OR6P1: variants seen among roughly 807,000 people sequenced by gnomAD.
OR6P1 encodes olfactory receptor 6P1.
In OR6P1, 5 loss-of-function variants were observed where a neutral mutation model predicts 6.6. That is an observed-to-expected ratio of 0.76 (90% confidence interval 0.40 to 1.60). OR6P1 has a LOEUF of 1.60. OR6P1 is among the 40% of genes most tolerant of loss of function. OR6P1 has a pLI of 0.02. For synonymous variants in OR6P1, 177 were observed against 149.6 expected, an observed-to-expected ratio of 1.18 and a Z score of -1.33; for missense variants, 451 against 383.0, an observed-to-expected ratio of 1.18 and a Z score of -1.48.
rs1443636846 is a variant in OR6P1 at position 158,562,632 on chromosome 1, T to C, written c.*19A>G. The C allele has an allele frequency of 4.9e-6, 7 of 1,436,122 alleles. No individual in the cohort carries two copies. In the African/African-American group the frequency reaches 7.1e-5, roughly 14 times the overall value. 89.0% of individuals were successfully genotyped at this position (1,436,122 alleles called of 1,614,324 possible). ...ATTAAGATTCTGCTATTTTCACCTCTCCCAAGACCTGTTGTATATCAGTCC... is the reference window on the plus strand; with the variant it reads ...ATTAAGATTCTGCTATTTTCACCTCCCCCAAGACCTGTTGTATATCAGTCC... On this transcript the variant is annotated 3_prime_UTR_variant, in exon 3 of 3. Transcript: ENST00000641540.
intron 2 of OR6P1, among the ~76,000 whole-genome samples, chr1:158,566,300 G>A (rs1648094973): frequency 6.6e-6 from 1 of 152,178 alleles, no homozygotes; most frequent in Admixed American, 6.6e-5. Flanking sequence ...TGTCCAAAAA[G>A]TCCAGTTTGG....
Position 158,563,388 on chromosome 1 carries a change from A to T in OR6P1, c.217T>A (p.Tyr73Asn), listed in dbSNP as rs989375111. Residue 73 changes from tyrosine (Y) to asparagine (N), a missense_variant, in exon 3 of 3, where the codon TAC (tyrosine) becomes AAC (asparagine). Physicochemically the swap from Tyr to Asn is moderately radical, Grantham distance 143. Coordinates refer to ENST00000641540, the MANE Select transcript of OR6P1 (RefSeq NM_001160325.2). ...AGCCGAGGAATGGTGACATTGATGT[A>T]CCATAGCTCCAGGAAAGAGAGATGG... ...LGHLSFLELW[Y>N]INVTIPRLLA... is the part of the protein sequence containing the mutation. 25 of 1,551,474 alleles carry T rather than the reference A, an allele frequency of 1.6e-5. No individual in the cohort carries two copies. Among genetic ancestry groups the T allele is most frequent in the Non-Finnish European group, 2.0e-5 (23 of 1,146,924 alleles).
At chr1:158,568,284 T>C (rs1441157177) in intron 1 of OR6P1, among the ~76,000 whole-genome samples, 1 of 152,184 alleles carries the variant, frequency 6.6e-6, no homozygotes, top group African/African-American at 2.4e-5. Flanking sequence ...TGAACTCTTC[T>C]TGTATTTGTT....
chr1:158,563,410 A>T lies in OR6P1; in HGVS notation c.195T>A (p.His65Gln), dbSNP rs947607670. 1 of 1,551,430 alleles carries T rather than the reference A, an allele frequency of 6.4e-7. No homozygotes were observed. Among genetic ancestry groups the T allele is most frequent in the Admixed American group, 2.0e-5 (1 of 50,936 alleles). ...LHRPMYFFLGHLSFLELWYIN... is the reference protein window; with the variant it reads ...LHRPMYFFLGQLSFLELWYIN... ...TGTACCATAGCTCCAGGAAAGAGAG[A>T]TGGCCAAGGAAAAAGTACATGGGAC... Residue 65 changes from histidine to glutamine, a missense_variant, in exon 3 of 3, where the codon CAT becomes CAA. His to Gln is a conservative substitution (Grantham distance 24). Coordinates refer to ENST00000641540, the MANE Select transcript of OR6P1 (RefSeq NM_001160325.2).
Position 158,561,970 on chromosome 1 carries a change from T to C in OR6P1, c.*681A>G, listed in dbSNP as rs143697065. 2.0e-5 allele frequency: 3 copies of C among 152,404 alleles called. No individual in the cohort carries two copies. Among genetic ancestry groups the C allele is most frequent in the African/African-American group, 7.2e-5 (3 of 41,582 alleles). 9.4% of individuals were successfully genotyped at this position (152,404 alleles called of 1,614,324 possible). A position where few individuals can be genotyped will look rare whatever the true frequency, so the allele number is the denominator to read the frequency against. On this transcript the variant is annotated 3_prime_UTR_variant, in exon 3 of 3. Coordinates refer to ENST00000641540, the MANE Select transcript of OR6P1 (RefSeq NM_001160325.2). ...TCAATATTTGTTAGGTCAACCAGCT[T>C]TACATGCCCCTGAGATTCAAAGAAG...
In OR6P1 at chr1:158,560,900, A is replaced by C. The variant is rs1647936957; in HGVS notation, c.*1751T>G. ...TACATTCATCATCCTCCCAGTCCAGAGGTCATTTGCTGCTCAGAGATAATT... is the reference window on the plus strand; with the variant it reads ...TACATTCATCATCCTCCCAGTCCAGCGGTCATTTGCTGCTCAGAGATAATT... On this transcript the variant is annotated 3_prime_UTR_variant, in exon 3 of 3. Coordinates refer to ENST00000641540, the MANE Select transcript of OR6P1 (RefSeq NM_001160325.2). 1 of 152,178 alleles carries C rather than the reference A, an allele frequency of 6.6e-6. No individual in the cohort carries two copies. Among genetic ancestry groups the C allele is most frequent in the Non-Finnish European group, 1.5e-5 (1 of 68,022 alleles). The allele number at this position is 152,178 out of a possible 1,614,324, so 9.4% of individuals were successfully genotyped here. A position where few individuals can be genotyped will look rare whatever the true frequency, so the allele number is the denominator to read the frequency against.
rs372841218 is a variant in OR6P1 at position 158,563,084 on chromosome 1, A to T, written c.521T>A (p.Ile174Asn). Residue 174 changes from isoleucine to asparagine, a missense_variant, in exon 3 of 3, where the codon ATC becomes AAC. Ile to Asn is a moderately radical substitution (Grantham distance 149, BLOSUM62 -3). Coordinates refer to ENST00000641540, the MANE Select transcript of OR6P1 (RefSeq NM_001160325.2). The stretch of plus-strand genomic sequence containing the variant: ...GGAAATATCACAGAAAAAGTGGTTG[A>T]TAATGTTGGGTCCACAGTAGGACAA... ...SQLSYCGPNIINHFFCDISPL... is the reference protein window; with the variant it reads ...SQLSYCGPNINNHFFCDISPL... 2.6e-6 allele frequency: 4 copies of T among 1,551,750 alleles called. No homozygotes were observed. The highest frequency in any genetic ancestry group is 3.5e-6 in the Non-Finnish European group (4 of 1,147,062).
Position 158,563,458 on chromosome 1 carries a change from T to C in OR6P1, c.147A>G (p.Ile49Met). 6.4e-7 allele frequency: 1 copy of C among 1,551,254 alleles called. No homozygotes were observed. The highest frequency in any genetic ancestry group is 2.4e-5 in the East Asian group (1 of 40,894). ...LLENALIVFT[I>M]WLAPSLHRPM... ...GACGATGAAGGCTTGGAGCAAGCCA[T>C]ATTGTGAAGACAATAAGTGCATTCT... The change falls in exon 3 of 3, where the codon ATA (isoleucine) becomes ATG (methionine). Residue 49 changes from isoleucine to methionine, a missense_variant. Transcript: ENST00000641540.
rs373053894 is a variant in OR6P1 at position 158,570,266 on chromosome 1, T to C, written c.-118+176A>G. 3.9e-5 allele frequency among the ~76,000 whole-genome samples: 6 copies of C among 152,354 alleles called. No individual in the cohort carries two copies. The East Asian group carries it at 7.7e-4, about 20-fold the overall frequency. On this transcript the variant is annotated intron_variant, in intron 1 of 2. Coordinates refer to ENST00000641540, the MANE Select transcript of OR6P1 (RefSeq NM_001160325.2). ...CATTTCTCAGGTGCTATCTCTAGAATCATAAACACATGAACAAAAGATTAA... is the reference window on the plus strand; with the variant it reads ...CATTTCTCAGGTGCTATCTCTAGAACCATAAACACATGAACAAAAGATTAA...
In OR6P1 at chr1:158,566,072, C is replaced by T. The variant is rs147992359; in HGVS notation, c.-23+692G>A. On this transcript the variant is annotated intron_variant, in intron 2 of 2. Transcript: ENST00000641540. ...TTCTCAACACTGACATTGGCAATGG[C>T]ATTAACTTACACTCTTGGACACTTC... Among the ~76,000 whole-genome samples the T allele has an allele frequency of 5.1e-3, 780 of 152,214 alleles. 3 individuals are homozygous for T. The highest frequency in any genetic ancestry group is 6.0e-3 in the Non-Finnish European group (410 of 68,014).
chr1:158,563,526 G>A lies in OR6P1; in HGVS notation c.79C>T (p.Leu27Phe), dbSNP rs1020061585. 2.8e-5 allele frequency: 44 copies of A among 1,551,262 alleles called. No individual in the cohort carries two copies. The East Asian group carries it at 3.7e-4, about 13-fold the overall frequency. ...FPTTPPLQLL[L>F]FVLFFAIYLL... ...TAAATTGCAAAAAAAAGGACAAAGA[G>A]GAGCAGCTGGAGGGGAGGCGTGGTA... Residue 27 changes from leucine to phenylalanine, a missense_variant, in exon 3 of 3, where the codon CTC (leucine) becomes TTC (phenylalanine). Leu to Phe is a conservative substitution (Grantham distance 22, BLOSUM62 0). Transcript: ENST00000641540.
rs528180194 is a variant in OR6P1, at chr1:158,565,366, C to G, written c.-23+1398G>C. Among the ~76,000 whole-genome samples the G allele has an allele frequency of 2.6e-3, 397 of 152,238 alleles. 1 individual carries two copies. Among genetic ancestry groups the G allele is most frequent in the Non-Finnish European group, 4.5e-3 (303 of 68,010 alleles). ...CCACTGATACTTGTTTAAACAAGTACACAAATGAGCGTATCTTTTTAAAAC... is the reference window on the plus strand; with the variant it reads ...CCACTGATACTTGTTTAAACAAGTAGACAAATGAGCGTATCTTTTTAAAAC... On this transcript the variant is annotated intron_variant, in intron 2 of 2. Transcript: ENST00000641540.
chr1:158,569,640 C>T (rs1194469496), intron 1 of OR6P1, among the ~76,000 whole-genome samples: 1 of 152,202 alleles, frequency 6.6e-6, no homozygotes, highest in Non-Finnish European at 1.5e-5. Flanking sequence ...TAATTCATTA[C>T]TCTGTGCAGG....
chr1:158,562,870 C>T lies in OR6P1; in HGVS notation c.735G>A (p.Leu245=). 1.9e-6 allele frequency: 3 copies of T among 1,552,018 alleles called. No individual in the cohort carries two copies. The highest frequency in any genetic ancestry group is 2.6e-6 in the Non-Finnish European group (3 of 1,147,074). The part of the protein sequence containing the change: ...HKAFSTCAAH[L]AVVVIYYSST... ...AGGAGTAGTAGATAACAACCACTGC[C>T]AGATGAGCGGCACAAGTGGAAAAGG... Residue 245 remains leucine, a synonymous_variant, in exon 3 of 3, where the codon CTG becomes CTA. Transcript: ENST00000641540.
chr1:158,565,965 C>G (rs1041845718), intron 2 of OR6P1, among the ~76,000 whole-genome samples: 2 of 152,196 alleles, frequency 1.3e-5, no homozygotes, highest in African/African-American at 4.8e-5. Flanking sequence ...TGATTAGCTT[C>G]TATTTCAATT....
chr1:158,569,673 T>C (rs1234550843), intron 1 of OR6P1, among the ~76,000 whole-genome samples: 1 of 152,228 alleles, frequency 6.6e-6, no homozygotes, highest in Non-Finnish European at 1.5e-5. Flanking sequence ...TTTCATATGC[T>C]AACTTAATTC....
Position 158,563,403 on chromosome 1 carries a change from AAG to A in OR6P1, c.200_201del (p.Ser67PhefsTer24), listed in dbSNP as rs778254710. ...ACATTGATGTACCATAGCTCCAGGA[AAG>A]AGAGATGGCCAAGGAAAAAGTACAT... ...RPMYFFLGHL[S>X]FLELWYINVT... On this transcript the variant is annotated frameshift_variant, in exon 3 of 3. Transcript: ENST00000641540. LOFTEE classifies it high-confidence loss of function. The A allele has an allele frequency of 1.4e-5, 21 of 1,551,458 alleles. No individual in the cohort carries two copies. The highest frequency in any genetic ancestry group is 1.8e-5 in the Non-Finnish European group (21 of 1,146,948).
chr1:158,568,181 C>G (rs1648146384), intron 1 of OR6P1, among the ~76,000 whole-genome samples: 1 of 152,182 alleles, frequency 6.6e-6, no homozygotes, highest in Admixed American at 6.5e-5. Context: ...TCTGCCCTCC[C>G]TGTTTGAAGA....
chr1:158,562,872 G>A lies in OR6P1; in HGVS notation c.733C>T (p.Leu245=), dbSNP rs970130847. Residue 245 remains leucine, a synonymous_variant, in exon 3 of 3, where the codon CTG becomes TTG. Transcript: ENST00000641540. ...GAGTAGTAGATAACAACCACTGCCA[G>A]ATGAGCGGCACAAGTGGAAAAGGCT... ...HKAFSTCAAH[L]AVVVIYYSST... is the part of the protein sequence containing the mutation. The A allele has an allele frequency of 4.1e-5, 63 of 1,552,050 alleles. No homozygotes were observed. The Middle Eastern group carries it at 1.0e-3, about 25-fold the overall frequency.
Sources: gnomAD v4.1 joint callset for allele counts (sites outside exome capture counted in the v4.1 genomes callset) on GRCh38, gnomAD v4.1.1 for gene constraint, MANE v1.5 for transcripts, NCBI Gene and HGNC (gene_info 2026-07-23, HGNC 2026-07-21) for gene names.